The following PGCKA1 variants were observed in gnomAD, a reference collection of about 807,000 sequenced individuals.
PGCKA1 encodes the protein PDCD10 and GCKIII kinases-associated protein 1.
the PGCKA1 span, among the ~76,000 whole-genome samples, chr4:37,529,752 G>A: frequency 3.3e-5 from 5 of 152,116 alleles, no homozygotes; most frequent in Non-Finnish European, 5.9e-5. Flanking sequence ...GTCTGTAGCC[G>A]CCCCCTTCCC....
At chr4:37,566,117 A>G in the PGCKA1 span, among the ~76,000 whole-genome samples, 2 of 152,072 alleles carry the variant, frequency 1.3e-5, no homozygotes, top group East Asian at 3.9e-4. Context: ...TCCCCTTTAC[A>G]TATATGTCTA....
At chr4:37,550,060 G>A in the PGCKA1 span, among the ~76,000 whole-genome samples, 29,493 of 152,028 alleles carry the variant, frequency 0.19, 3,223 homozygotes, top group East Asian at 0.43. Context: ...TACAGTTATT[G>A]TGAATGCCTA....
At chr4:37,464,066 T>C in the PGCKA1 span, among the ~76,000 whole-genome samples, 1 of 152,226 alleles carries the variant, frequency 6.6e-6, no homozygotes, top group Non-Finnish European at 1.5e-5. Flanking sequence ...CAGCATCATA[T>C]GCACATTTGT....
At chr4:37,455,936 C>T in the PGCKA1 span, among the ~76,000 whole-genome samples, 2 of 152,186 alleles carry the variant, frequency 1.3e-5, no homozygotes, top group Non-Finnish European at 1.5e-5. Flanking sequence ...GTTTCCTCTC[C>T]CTAGACTGTG....
At chr4:37,489,951 A>G in the PGCKA1 span, among the ~76,000 whole-genome samples, 1 of 152,108 alleles carries the variant, frequency 6.6e-6, no homozygotes, top group Non-Finnish European at 1.5e-5. Context: ...GACTGAACCA[A>G]ATTTGTCATG....
the PGCKA1 span, among the ~76,000 whole-genome samples, chr4:37,461,633 G>A: frequency 6.6e-6 from 1 of 151,982 alleles, no homozygotes; most frequent in Non-Finnish European, 1.5e-5. Flanking sequence ...AGGGATTGCT[G>A]GACTAGAGTA....
At chr4:37,550,011 A>T in the PGCKA1 span, among the ~76,000 whole-genome samples, 1 of 152,224 alleles carries the variant, frequency 6.6e-6, no homozygotes, top group Non-Finnish European at 1.5e-5. Flanking sequence ...ACATCAAGTC[A>T]CTGAGGTAGG....
the PGCKA1 span, among the ~76,000 whole-genome samples, chr4:37,472,091 T>C: frequency 6.6e-6 from 1 of 152,156 alleles, no homozygotes; most frequent in East Asian, 1.9e-4. Flanking sequence ...ATTCTTTCGG[T>C]TCTTGGAAAT....
the PGCKA1 span, among the ~76,000 whole-genome samples, chr4:37,476,127 G>A: frequency 6.6e-6 from 1 of 151,980 alleles, no homozygotes; most frequent in African/African-American, 2.4e-5. Flanking sequence ...GTATCTAGCT[G>A]TATTAGGATA....
the PGCKA1 span, among the ~76,000 whole-genome samples, chr4:37,575,266 C>T: frequency 3.9e-5 from 6 of 152,176 alleles, no homozygotes; most frequent in South Asian, 2.1e-4. Context: ...TTTGTTGTTG[C>T]GCATCTTTTG....
the PGCKA1 span, among the ~76,000 whole-genome samples, chr4:37,577,515 C>G: frequency 6.6e-6 from 1 of 151,240 alleles, no homozygotes; most frequent in Non-Finnish European, 1.5e-5. Context: ...TCAAAAAAAA[C>G]CAATCTTTTG....
chr4:37,518,355 C>T, the PGCKA1 span, among the ~76,000 whole-genome samples: 31,439 of 152,088 alleles, frequency 0.21, 4,014 homozygotes, highest in African/African-American at 0.35. Context: ...AAACCATTGT[C>T]CATAGTCGTT....
the PGCKA1 span, among the ~76,000 whole-genome samples, chr4:37,557,727 T>G: frequency 6.6e-6 from 1 of 152,218 alleles, no homozygotes; most frequent in East Asian, 1.9e-4. Context: ...TTCCAGTGTG[T>G]GATCAACAGT....
the PGCKA1 span, among the ~76,000 whole-genome samples, chr4:37,509,589 C>A: frequency 6.6e-6 from 1 of 151,876 alleles, no homozygotes; most frequent in Non-Finnish European, 1.5e-5. Context: ...GCAATCTCGG[C>A]ACTTTGGGAG....
chr4:37,569,106 G>C, the PGCKA1 span, among the ~76,000 whole-genome samples: 2 of 151,228 alleles, frequency 1.3e-5, no homozygotes, highest in East Asian at 3.9e-4. Context: ...CAAAAAAAAA[G>C]GGGGGGAGAG....
the PGCKA1 span, among the ~76,000 whole-genome samples, chr4:37,499,264 A>G: frequency 6.6e-6 from 1 of 152,166 alleles, no homozygotes; most frequent in Non-Finnish European, 1.5e-5. Flanking sequence ...GTGTTTACCA[A>G]AGATATTGGC....
the PGCKA1 span, among the ~76,000 whole-genome samples, chr4:37,581,776 G>A: frequency 0.18 from 27,995 of 152,048 alleles, 3,022 homozygotes; most frequent in Non-Finnish European, 0.26. This position sits in a 1 kb window ranked among gnomAD's most constrained non-coding sequence, Gnocchi z 4.4. Flanking sequence ...GCCCCCCCAG[G>A]TCCACTGGCT....
At chr4:37,470,646 A>G in the PGCKA1 span, among the ~76,000 whole-genome samples, 2 of 152,202 alleles carry the variant, frequency 1.3e-5, no homozygotes, top group Non-Finnish European at 2.9e-5. Context: ...AGAAGCTTCA[A>G]AAGTGTGAAA....
the PGCKA1 span, among the ~76,000 whole-genome samples, chr4:37,547,068 C>T: frequency 6.6e-6 from 1 of 152,078 alleles, no homozygotes; most frequent in Admixed American, 6.5e-5. Context: ...GGGAACTTGC[C>T]CACTCCATTT....
Sources: allele counts gnomAD v4.1 joint callset (sites outside exome capture counted in the v4.1 genomes callset), GRCh38; gene constraint gnomAD v4.1.1; non-coding constraint Gnocchi (gnomAD v3.1); transcripts MANE v1.5; gene names NCBI Gene and HGNC (gene_info 2026-07-23, HGNC 2026-07-21).